Variants in SNTG2 observed in about 807,000 individuals in gnomAD.
The protein encoded by SNTG2 is gamma-2-syntrophin.
In SNTG2, 74 loss-of-function variants were observed where a neutral mutation model predicts 70.9. That is an observed-to-expected ratio of 1.04 (90% CI 0.86 to 1.27). The LOEUF is 1.27. SNTG2 is among the 50% of genes most tolerant of loss of function. SNTG2 has a pLI of 0.00. For missense variants in SNTG2, 717 were observed against 690.7 expected (o/e 1.04, Z -0.43); for synonymous variants, 278 against 273.8 (o/e 1.02, Z -0.15).
intron 1 of SNTG2, among the ~76,000 whole-genome samples, chr2:968,932 G>A (rs1192297860): frequency 1.3e-5 from 2 of 152,056 alleles, no homozygotes; most frequent in South Asian, 2.1e-4. Context: ...TCTTTGTTAC[G>A]AAGTCTTTGC....
chr2:991,794 A>G (rs2147978489), intron 1 of SNTG2, among the ~76,000 whole-genome samples: 1 of 152,316 alleles, frequency 6.6e-6, no homozygotes, highest in African/African-American at 2.4e-5. Context: ...CAGTGGTGAC[A>G]GCAAATTCAT....
At chr2:1,148,741 A>G (rs1669264405) in intron 6 of SNTG2, among the ~76,000 whole-genome samples, 1 of 152,148 alleles carries the variant, frequency 6.6e-6, no homozygotes, top group African/African-American at 2.4e-5. Context: ...GGCCCTTTGG[A>G]TGTTCTTCCA....
intron 7 of SNTG2, among the ~76,000 whole-genome samples, chr2:1,168,047 A>G (rs35303829): frequency 7.0e-3 from 407 of 58,472 alleles, no homozygotes; most frequent in Admixed American, 0.015. Context: ...CAGAACTGAA[A>G]CCTACAGGCC....
rs117204460 is a variant in SNTG2 at position 988,024 on chromosome 2, G to C, written c.72+36956G>C. On this transcript the variant is annotated intron_variant, in intron 1 of 16. Coordinates refer to ENST00000308624, the MANE Select transcript of SNTG2 (RefSeq NM_018968.4). ...CCTCAGCCTCGCCCTGCTCGCCACA[G>C]CCCGTCTTCCTCCTCATCACCTCAT... Among the ~76,000 whole-genome samples, 21 of 152,332 alleles carry C rather than the reference G, an allele frequency of 1.4e-4. 1 individual carries two copies. The East Asian group carries it at 4.1e-3, about 29-fold the overall frequency.
chr2:1,234,662 C>T (rs558116892), intron 9 of SNTG2, among the ~76,000 whole-genome samples: 1 of 152,308 alleles, frequency 6.6e-6, no homozygotes, highest in South Asian at 2.1e-4. Context: ...GCCGTCTGCC[C>T]CTCGTGCGAG....
At chr2:1,227,447 C>G (rs1308039785) in intron 9 of SNTG2, among the ~76,000 whole-genome samples, 1 of 152,220 alleles carries the variant, frequency 6.6e-6, no homozygotes, top group African/African-American at 2.4e-5. Flanking sequence ...GTGTTCGCTC[C>G]GGAAGTGGAG....
intron 1 of SNTG2, among the ~76,000 whole-genome samples, chr2:1,028,738 C>CT (rs71392557): frequency 0.38 from 54,850 of 144,952 alleles, 10,703 homozygotes; most frequent in African/African-American, 0.45. Context: ...AGGCAACCTC[C>CT]TTTTTTTTTT....
At chr2:1,086,352 G>A in intron 2 of SNTG2, among the ~76,000 whole-genome samples, 1 of 152,058 alleles carries the variant, frequency 6.6e-6, no homozygotes, top group East Asian at 1.9e-4. Flanking sequence ...GAAGCAGAAA[G>A]CCCAAAAAGT....
intron 4 of SNTG2, among the ~76,000 whole-genome samples, chr2:1,124,316 A>G (rs1667568086): frequency 7.6e-6 from 1 of 131,384 alleles, no homozygotes; most frequent in African/African-American, 3.4e-5. Flanking sequence ...TTTTTCTCAG[A>G]CAGAGGCTTG....
intron 15 of SNTG2, among the ~76,000 whole-genome samples, chr2:1,315,544 A>G (rs189516343): frequency 6.6e-6 from 1 of 152,280 alleles, no homozygotes; most frequent in African/African-American, 2.4e-5. Context: ...ATAATGAAGT[A>G]TCTATAATTA....
intron 4 of SNTG2, among the ~76,000 whole-genome samples, chr2:1,134,859 C>T (rs1668268948): frequency 6.6e-6 from 1 of 152,176 alleles, no homozygotes; most frequent in South Asian, 2.1e-4. Flanking sequence ...AGGTCCCGAG[C>T]CCTGCCCCGC....
intron 14 of SNTG2, among the ~76,000 whole-genome samples, chr2:1,284,232 T>C (rs925083649): frequency 6.6e-6 from 1 of 152,232 alleles, no homozygotes; most frequent in Non-Finnish European, 1.5e-5. Context: ...GCTAATCTAA[T>C]CCTTCAGTTA....
intron 1 of SNTG2, among the ~76,000 whole-genome samples, chr2:1,038,856 T>C (rs1661276066): frequency 6.6e-6 from 1 of 152,226 alleles, no homozygotes; most frequent in South Asian, 2.1e-4. Context: ...ATGTGGCACA[T>C]TGGGAAGATT....
At chr2:1,166,444 G>C (rs1300535920) in intron 7 of SNTG2, among the ~76,000 whole-genome samples, 1 of 152,156 alleles carries the variant, frequency 6.6e-6, no homozygotes, top group African/African-American at 2.4e-5. Context: ...CCCTCCCTGG[G>C]GGTTCATATT....
chr2:1,156,797 A>G (rs1264568593), intron 6 of SNTG2, among the ~76,000 whole-genome samples: 1 of 152,108 alleles, frequency 6.6e-6, no homozygotes, highest in Non-Finnish European at 1.5e-5. Flanking sequence ...GCGTGGGGGT[A>G]GGAAATGAAC....
intron 6 of SNTG2, among the ~76,000 whole-genome samples, chr2:1,153,313 G>T (rs919130518): frequency 2.6e-5 from 4 of 152,150 alleles, no homozygotes; most frequent in Non-Finnish European, 4.4e-5. Flanking sequence ...CAACGTGCAG[G>T]TTAGTTACAT....
At chr2:1,313,357 G>A (rs941444027) in intron 15 of SNTG2, among the ~76,000 whole-genome samples, 1 of 152,174 alleles carries the variant, frequency 6.6e-6, no homozygotes, top group East Asian at 1.9e-4. Context: ...GCCACGGGAG[G>A]ATGGGTCCAC....
chr2:951,461 TC>T (rs1465577900), intron 1 of SNTG2, among the ~76,000 whole-genome samples: 1 of 151,870 alleles, frequency 6.6e-6, no homozygotes, highest in Non-Finnish European at 1.5e-5. Flanking sequence ...GACCGGAGCG[TC>T]CCCCCTGCAG....
At chr2:1,054,822 T>A (rs1662286862) in intron 1 of SNTG2, among the ~76,000 whole-genome samples, 1 of 152,220 alleles carries the variant, frequency 6.6e-6, no homozygotes, top group Non-Finnish European at 1.5e-5. Flanking sequence ...ATGAAGAAAG[T>A]AAAACAGAAT....
Sources: allele counts gnomAD v4.1 joint callset (sites outside exome capture counted in the v4.1 genomes callset), GRCh38; gene constraint gnomAD v4.1.1; transcripts MANE v1.5; gene names NCBI Gene and HGNC (gene_info 2026-07-23, HGNC 2026-07-21).